SHROOM4: variants seen among roughly 807,000 people sequenced by gnomAD.
The protein encoded by SHROOM4 is protein Shroom4.
Under a neutral mutation model 80.3 loss-of-function variants are expected in SHROOM4, and 17 were observed. That is an observed-to-expected ratio of 0.21 (90% CI 0.14 to 0.32). The LOEUF is 0.32. SHROOM4 is among the 10% of genes least tolerant of loss of function. The pLI is 1.00. For missense variants in SHROOM4, 993 were observed against 1,140.3 expected (o/e 0.87, Z 1.86); for synonymous variants, 400 against 437.5 (o/e 0.91, Z 1.07).
chrX:50,693,565 CAAA>C (rs377189230), intron 2 of SHROOM4, among the ~76,000 whole-genome samples: 3,344 of 77,400 alleles, frequency 0.043, 163 homozygotes, highest in African/African-American at 0.14. Flanking sequence ...AACTCCATTT[CAAA>C]AAAAAAAAAA....
intron 1 of SHROOM4, among the ~76,000 whole-genome samples, chrX:50,782,542 T>C (rs1281405537): frequency 2.7e-5 from 3 of 111,745 alleles, no homozygotes; most frequent in Non-Finnish European, 5.6e-5. Context: ...CTCCATATTA[T>C]TGATAAGGAA....
intron 1 of SHROOM4, among the ~76,000 whole-genome samples, chrX:50,712,196 T>G (rs1933835966): frequency 8.9e-6 from 1 of 111,903 alleles, no homozygotes; most frequent in Non-Finnish European, 1.9e-5. Flanking sequence ...TGCTGAGCAC[T>G]TTTTGTTTCT....
chrX:50,692,700 A>G (rs1052151376), intron 2 of SHROOM4, among the ~76,000 whole-genome samples: 2 of 111,559 alleles, frequency 1.8e-5, no homozygotes, highest in Non-Finnish European at 3.8e-5. Context: ...TATCTATTAT[A>G]TAAGGCATTA....
At chrX:50,698,233 G>A (rs1451465923) in intron 1 of SHROOM4, among the ~76,000 whole-genome samples, 1 of 111,904 alleles carries the variant, frequency 8.9e-6, no homozygotes, top group Non-Finnish European at 1.9e-5. Flanking sequence ...CAAAAGCTCA[G>A]GCATTTGGCA....
chrX:50,672,157 G>T (rs1250543819), intron 2 of SHROOM4, among the ~76,000 whole-genome samples: 1 of 111,689 alleles, frequency 9.0e-6, no homozygotes, highest in African/African-American at 3.3e-5. Flanking sequence ...AGTTTGTGGT[G>T]CCCCAAACAA....
chrX:50,728,660 C>A (rs1934294430), intron 1 of SHROOM4, among the ~76,000 whole-genome samples: 1 of 111,880 alleles, frequency 8.9e-6, no homozygotes, highest in African/African-American at 3.3e-5. Context: ...TGGTCTGGTA[C>A]ATTGTGTGCA....
intron 5 of SHROOM4, among the ~76,000 whole-genome samples, chrX:50,626,854 C>T (rs1420269601): frequency 8.9e-6 from 1 of 111,858 alleles, no homozygotes; most frequent in Non-Finnish European, 1.9e-5. Context: ...AGGCACTGTG[C>T]TTCCTGCTGT....
intron 5 of SHROOM4, among the ~76,000 whole-genome samples, chrX:50,623,491 T>A (rs1311673732): frequency 9.0e-6 from 1 of 111,702 alleles, no homozygotes; most frequent in African/African-American, 3.3e-5. Flanking sequence ...CCGGGCCCCT[T>A]TTTAAACATT....
chrX:50,638,413 A>T, intron 2 of SHROOM4, 105 bp from the exon 3 acceptor site: 1 of 1,015,806 alleles, frequency 9.8e-7, no homozygotes, highest in Non-Finnish European at 1.4e-6. Flanking sequence ...AAAGTAGAAC[A>T]TCTTGCAAGG....
intron 2 of SHROOM4, among the ~76,000 whole-genome samples, chrX:50,691,545 G>A (rs920600777): frequency 1.0e-4 from 5 of 48,033 alleles, no homozygotes; most frequent in African/African-American, 1.9e-4. Context: ...TGAATTGGGT[G>A]AGAGAGGAGT....
intron 5 of SHROOM4, among the ~76,000 whole-genome samples, chrX:50,618,865 T>C (rs1930453936): frequency 8.9e-6 from 1 of 112,317 alleles, no homozygotes; most frequent in Non-Finnish European, 1.9e-5. Context: ...CTTGTCTGTC[T>C]CTGAGAGATA....
intron 1 of SHROOM4, among the ~76,000 whole-genome samples, chrX:50,808,849 C>CT (rs1282895326): frequency 9.1e-6 from 1 of 110,167 alleles, no homozygotes; most frequent in Non-Finnish European, 1.9e-5. Flanking sequence ...TAGGCTTGAC[C>CT]TTTTTTAACT....
chrX:50,624,186 T>G (rs182578226), intron 5 of SHROOM4, among the ~76,000 whole-genome samples: 1 of 111,997 alleles, frequency 8.9e-6, no homozygotes, highest in Non-Finnish European at 1.9e-5. Context: ...TTAAAACAGG[T>G]ACACTTAAAA....
chrX:50,791,638 G>T (rs1446462442), intron 1 of SHROOM4, among the ~76,000 whole-genome samples: 1 of 88,343 alleles, frequency 1.1e-5, no homozygotes, highest in Non-Finnish European at 2.1e-5. Flanking sequence ...TGTCCAGGCT[G>T]GTCTTGGAAT....
At chrX:50,602,371 C>T (rs1369567828) in intron 7 of SHROOM4, among the ~76,000 whole-genome samples, 4 of 111,402 alleles carry the variant, frequency 3.6e-5, no homozygotes, top group Non-Finnish European at 7.5e-5. Context: ...GGATTACAGG[C>T]GGGAGCCACC....
intron 5 of SHROOM4, among the ~76,000 whole-genome samples, chrX:50,618,262 T>C (rs781879918): frequency 3.7e-4 from 39 of 106,838 alleles, no homozygotes; most frequent in Admixed American, 9.8e-4. Context: ...TTTCTTTCTT[T>C]TCTTCTCTTC....
intron 5 of SHROOM4, among the ~76,000 whole-genome samples, chrX:50,610,005 C>T (rs1194461997): frequency 9.0e-6 from 1 of 111,320 alleles, no homozygotes. Context: ...CAATCAGCAT[C>T]ATGCTAAGTC....
chrX:50,650,637 C>T (rs375986362), intron 2 of SHROOM4, among the ~76,000 whole-genome samples: 11 of 111,167 alleles, frequency 9.9e-5, no homozygotes, highest in South Asian at 7.7e-4. Flanking sequence ...GGATTATAGG[C>T]GTGAGCCACC....
At chrX:50,672,052 G>GGAAT (rs1932802688) in intron 2 of SHROOM4, among the ~76,000 whole-genome samples, 2 of 112,041 alleles carry the variant, frequency 1.8e-5, no homozygotes, top group Admixed American at 1.9e-4. Context: ...GAGTGATAGA[G>GGAAT]GAATGGCCTG....
Sources: allele counts gnomAD v4.1 joint callset (sites outside exome capture counted in the v4.1 genomes callset), GRCh38; gene constraint gnomAD v4.1.1; transcripts MANE v1.5; gene names NCBI Gene and HGNC (gene_info 2026-07-23, HGNC 2026-07-21).